Variants in STXBP6 observed in about 807,000 individuals in gnomAD.
STXBP6 encodes the protein syntaxin binding protein 6, also known as syntaxin-binding protein 6.
Under a neutral mutation model 26.9 loss-of-function variants are expected in STXBP6, and 21 were observed. The ratio of observed to expected loss-of-function variants is 0.78; its 90% confidence interval spans 0.55 to 1.12. STXBP6 has a LOEUF of 1.12. Ranked by LOEUF, STXBP6 falls within the 50% of genes most tolerant of loss-of-function variation. STXBP6 has a pLI of 0.00. For synonymous variants in STXBP6, 97 were observed against 92.6 expected (o/e 1.05, Z -0.27); for missense variants, 232 against 257.9 (o/e 0.90, Z 0.69).
intron 2 of STXBP6, among the ~76,000 whole-genome samples, chr14:24,918,428 T>A (rs1179556031): frequency 6.8e-6 from 1 of 147,602 alleles, no homozygotes; most frequent in Admixed American, 6.9e-5. Context: ...AAGAGGTGAT[T>A]ATTTCTTAAA....
chr14:25,045,611 T>C (rs1297631514), intron 1 of STXBP6, among the ~76,000 whole-genome samples: 2 of 150,698 alleles, frequency 1.3e-5, no homozygotes, highest in East Asian at 1.9e-4. Flanking sequence ...TTTTCTTTTT[T>C]TTTTTTTTTG....
At chr14:24,853,287 T>C (rs1240255550) in intron 4 of STXBP6, among the ~76,000 whole-genome samples, 2 of 152,030 alleles carry the variant, frequency 1.3e-5, no homozygotes, top group African/African-American at 2.4e-5. Flanking sequence ...GTCTCAGAAG[T>C]GTGATAGCTG....
At chr14:25,037,255 GA>G (rs2075571633) in intron 1 of STXBP6, among the ~76,000 whole-genome samples, 1 of 152,146 alleles carries the variant, frequency 6.6e-6, no homozygotes, top group African/African-American at 2.4e-5. Flanking sequence ...CTGGGACTCT[GA>G]AATAGGACAG....
intron 5 of STXBP6, among the ~76,000 whole-genome samples, chr14:24,814,941 T>C (rs1438270895): frequency 6.6e-6 from 1 of 152,158 alleles, no homozygotes; most frequent in African/African-American, 2.4e-5. Context: ...GCCCCCAGAA[T>C]TGTGAGAAAT....
At chr14:25,040,125 G>C (rs1234349061) in intron 1 of STXBP6, among the ~76,000 whole-genome samples, 1 of 152,196 alleles carries the variant, frequency 6.6e-6, no homozygotes, top group Non-Finnish European at 1.5e-5. Context: ...AGAGGTCACA[G>C]CCTTGCAAAG....
chr14:25,032,811 T>C (rs143435849), intron 1 of STXBP6, among the ~76,000 whole-genome samples: 1 of 152,290 alleles, frequency 6.6e-6, no homozygotes, highest in East Asian at 1.9e-4. Context: ...ATCAGAAGGG[T>C]TGAGTCTAGC....
intron 4 of STXBP6, among the ~76,000 whole-genome samples, chr14:24,841,868 T>C (rs928926477): frequency 1.3e-5 from 2 of 152,238 alleles, no homozygotes; most frequent in African/African-American, 4.8e-5. Flanking sequence ...TGGAGTTCAT[T>C]GTTACTTTCA....
At chr14:25,026,016 G>A (rs556214561) in intron 1 of STXBP6, among the ~76,000 whole-genome samples, 1 of 152,236 alleles carries the variant, frequency 6.6e-6, no homozygotes, top group East Asian at 1.9e-4. Context: ...GTGTATCTTT[G>A]CCTTTACATT....
At chr14:25,026,589 G>C (rs548012086) in intron 1 of STXBP6, among the ~76,000 whole-genome samples, 23 of 152,328 alleles carry the variant, frequency 1.5e-4, no homozygotes, top group African/African-American at 5.1e-4. Context: ...CACCAAGTGA[G>C]TTAGAAAAGC....
intron 4 of STXBP6, among the ~76,000 whole-genome samples, chr14:24,833,972 T>G (rs2068536987): frequency 6.6e-6 from 1 of 152,196 alleles, no homozygotes; most frequent in African/African-American, 2.4e-5. Flanking sequence ...TAAATACCAC[T>G]TTGAAAAATG....
At chr14:24,885,719 C>T (rs1283108837) in intron 2 of STXBP6, among the ~76,000 whole-genome samples, 1 of 152,204 alleles carries the variant, frequency 6.6e-6, no homozygotes, top group Non-Finnish European at 1.5e-5. Flanking sequence ...GTATTTAGTC[C>T]AAACTGATCT....
chr14:25,013,537 T>C (rs1380090862), intron 1 of STXBP6, among the ~76,000 whole-genome samples: 2 of 150,890 alleles, frequency 1.3e-5, no homozygotes, highest in Non-Finnish European at 3.0e-5. Flanking sequence ...TGGGAATACA[T>C]AACACTGCTC....
intron 1 of STXBP6, among the ~76,000 whole-genome samples, chr14:25,034,415 C>T (rs868143964): frequency 2.6e-5 from 4 of 152,208 alleles, no homozygotes; most frequent in African/African-American, 4.8e-5. Context: ...CCATCCCTCA[C>T]GTAAGCTGAG....
chr14:24,856,253 T>C (rs2069330733), intron 3 of STXBP6, 152 bp from the exon 4 acceptor site: 1 of 757,186 alleles, frequency 1.3e-6, no homozygotes, highest in African/African-American at 1.8e-5. Context: ...GAGTCTACAT[T>C]TCTCTGTTTA....
At chr14:24,816,849 C>T (rs2067993671) in intron 5 of STXBP6, 1 of 152,104 alleles carries the variant, frequency 6.6e-6, no homozygotes, top group Admixed American at 6.6e-5. Context: ...TGAGGATCCT[C>T]AATCACCAGT....
At chr14:24,968,761 T>C (rs911242078) in intron 2 of STXBP6, among the ~76,000 whole-genome samples, 4 of 152,210 alleles carry the variant, frequency 2.6e-5, no homozygotes, top group African/African-American at 9.6e-5. Flanking sequence ...AATCAGATGT[T>C]TGACCATGGC....
At chr14:24,871,046 T>G (rs1054283599) in intron 2 of STXBP6, among the ~76,000 whole-genome samples, 3 of 152,144 alleles carry the variant, frequency 2.0e-5, no homozygotes. Flanking sequence ...AAAAATGTAA[T>G]TGACATTTGA....
intron 5 of STXBP6, chr14:24,818,100 G>T (rs1190456775): frequency 2.2e-6 from 1 of 456,644 alleles, no homozygotes. Flanking sequence ...TTTCTTCCCC[G>T]AAAGGTCACC....
chr14:24,859,215 C>G (rs1168990684), intron 2 of STXBP6, among the ~76,000 whole-genome samples: 1 of 152,166 alleles, frequency 6.6e-6, no homozygotes, highest in Non-Finnish European at 1.5e-5. Context: ...CACTGCAGAG[C>G]AGTCATTTTT....
Sources: gnomAD v4.1 joint callset for allele counts (sites outside exome capture counted in the v4.1 genomes callset) on GRCh38, gnomAD v4.1.1 for gene constraint, MANE v1.5 for transcripts, NCBI Gene and HGNC (gene_info 2026-07-23, HGNC 2026-07-21) for gene names.